LMBR1: variants seen among roughly 807,000 people sequenced by gnomAD.
The protein encoded by LMBR1 is limb region 1 protein homolog.
Under a neutral mutation model 73.9 loss-of-function variants are expected in LMBR1, and 52 were observed. That is an observed-to-expected ratio of 0.70 (90% CI 0.56 to 0.89). LMBR1 has a LOEUF of 0.89. LMBR1 is among the 40% of genes least tolerant of loss of function. The pLI, the probability that LMBR1 is intolerant of heterozygous loss-of-function variation, is 0.00. For missense variants in LMBR1, 539 were observed against 579.8 expected, an observed-to-expected ratio of 0.93 and a Z score of 0.72; for synonymous variants, 215 against 209.4, an observed-to-expected ratio of 1.03 and a Z score of -0.23.
chr7:156,873,213 T>G (rs1799593880), intron 1 of LMBR1, among the ~76,000 whole-genome samples: 1 of 152,014 alleles, frequency 6.6e-6, no homozygotes, highest in Non-Finnish European at 1.5e-5. Context: ...TTCTGGTGGG[T>G]TCGTGGTCTC....
chr7:156,892,850 GACC>G (rs1803402129), intron 1 of LMBR1, 75 bp downstream of exon 1: 2 of 632,416 alleles, frequency 3.2e-6, no homozygotes, highest in African/African-American at 8.4e-5. Context: ...GGGGTCCGGG[GACC>G]GGGGGCCCGG....
Position 156,788,209 on chromosome 7 carries a change from C to T in LMBR1, c.423+8180G>A, listed in dbSNP as rs188643636. ...CAGCATTTTGGGAAGTCAAGGTGGG[C>T]GGACTGCTTGAGGCCAGGAGTTGGA... On this transcript the variant is annotated intron_variant, in intron 5 of 16. Transcript: ENST00000353442. Among the ~76,000 whole-genome samples the T allele has an allele frequency of 4.3e-4, 66 of 152,138 alleles. No individual in the cohort carries two copies. The East Asian group carries it at 9.9e-3, about 23-fold the overall frequency.
At chr7:156,883,622 A>G (rs941214949) in intron 1 of LMBR1, among the ~76,000 whole-genome samples, 3 of 152,134 alleles carry the variant, frequency 2.0e-5, no homozygotes, top group Non-Finnish European at 2.9e-5. Context: ...AAATTTATTG[A>G]GTTTCACTGG....
chr7:156,777,345 T>C (rs1252633246), intron 5 of LMBR1, among the ~76,000 whole-genome samples: 2 of 152,206 alleles, frequency 1.3e-5, no homozygotes, highest in Non-Finnish European at 2.9e-5. Flanking sequence ...CACAGCTGAG[T>C]GGGGTCTGTG....
At chr7:156,833,105 T>C (rs1308689977) in intron 3 of LMBR1, among the ~76,000 whole-genome samples, 1 of 152,196 alleles carries the variant, frequency 6.6e-6, no homozygotes, top group African/African-American at 2.4e-5. Flanking sequence ...TTCTAAACAG[T>C]TGGAGTAAAA....
At chr7:156,870,593 A>G (rs1799128889) in intron 1 of LMBR1, among the ~76,000 whole-genome samples, 1 of 152,060 alleles carries the variant, frequency 6.6e-6, no homozygotes, top group Admixed American at 6.6e-5. Flanking sequence ...GTGAAACCCC[A>G]TCTCTACTAA....
At chr7:156,758,689 T>C (rs1469124460) in intron 8 of LMBR1, among the ~76,000 whole-genome samples, 2 of 152,190 alleles carry the variant, frequency 1.3e-5, no homozygotes, top group Non-Finnish European at 2.9e-5. Context: ...GACTGGAAAC[T>C]TCCTGAAGCA....
intron 4 of LMBR1, among the ~76,000 whole-genome samples, chr7:156,808,576 T>C (rs1008657269): frequency 6.6e-6 from 1 of 152,184 alleles, no homozygotes; most frequent in Non-Finnish European, 1.5e-5. Flanking sequence ...ACATTTAAAG[T>C]GATTATTGAT....
intron 5 of LMBR1, among the ~76,000 whole-genome samples, chr7:156,792,585 C>T (rs1829402220): frequency 6.6e-6 from 1 of 152,186 alleles, no homozygotes; most frequent in Non-Finnish European, 1.5e-5. Flanking sequence ...TAGAAACACA[C>T]ACCGCTGCCA....
intron 1 of LMBR1, among the ~76,000 whole-genome samples, chr7:156,845,188 A>C (rs1409489943): frequency 6.6e-6 from 1 of 152,176 alleles, no homozygotes; most frequent in East Asian, 1.9e-4. Flanking sequence ...ATATACATCT[A>C]ATATGTATCA....
chr7:156,734,122 T>C (rs1315704387), intron 10 of LMBR1, 55 bp downstream of exon 10: 1 of 1,113,688 alleles, frequency 9.0e-7, no homozygotes, highest in Non-Finnish European at 1.3e-6. Flanking sequence ...TACAGTAAAG[T>C]CTTTAATAAG....
intron 15 of LMBR1, among the ~76,000 whole-genome samples, chr7:156,694,283 C>A: frequency 6.6e-6 from 1 of 152,086 alleles, no homozygotes; most frequent in East Asian, 1.9e-4. Flanking sequence ...TAGGCGCATG[C>A]CACCATGCCA....
chr7:156,750,731 A>G (rs927515534), intron 9 of LMBR1, among the ~76,000 whole-genome samples: 3 of 152,206 alleles, frequency 2.0e-5, no homozygotes, highest in Non-Finnish European at 4.4e-5. Context: ...TAGCAACATT[A>G]TAGAATCAGG....
intron 4 of LMBR1, among the ~76,000 whole-genome samples, chr7:156,811,338 G>A (rs541218306): frequency 2.0e-5 from 3 of 151,988 alleles, no homozygotes; most frequent in South Asian, 2.1e-4. Flanking sequence ...CTGGCCAGGC[G>A]CGGTGGCTCA....
chr7:156,826,183 T>A (rs1225527802), intron 4 of LMBR1, among the ~76,000 whole-genome samples: 2 of 152,092 alleles, frequency 1.3e-5, no homozygotes, highest in Non-Finnish European at 2.9e-5. Flanking sequence ...TTTCTCCATG[T>A]TGGCCAGGCT....
At position 156,763,705 on chromosome 7, in the gene LMBR1, T is replaced by C; in HGVS notation, c.514A>G (p.Ile172Val). 2 of 1,596,918 alleles carry C rather than the reference T, an allele frequency of 1.3e-6. No individual in the cohort carries two copies. Among genetic ancestry groups the C allele is most frequent in the Non-Finnish European group, 1.7e-6 (2 of 1,175,660 alleles). ...LGIVWVASAL[I>V]DNDAASMESL... ...TCCATGCTTGCGGCATCGTTGTCAA[T>C]GAGTGCTGAAGCTACCCACACTATC... Residue 172 changes from isoleucine (I) to valine (V), a missense_variant, in exon 6 of 17, where the codon ATT becomes GTT. Physicochemically the swap from Ile to Val is conservative, Grantham distance 29 (BLOSUM62 3). This residue lies in a region of LMBR1 where 454 missense variants were observed against 473.4 expected (regional missense o/e 0.96). Coordinates refer to ENST00000353442, the MANE Select transcript of LMBR1 (RefSeq NM_022458.4).
intron 9 of LMBR1, among the ~76,000 whole-genome samples, chr7:156,742,931 G>T (rs560613974): frequency 2.0e-5 from 3 of 152,122 alleles, no homozygotes; most frequent in Admixed American, 6.5e-5. Flanking sequence ...GAGATGCAAG[G>T]GTGGTTCAAC....
At position 156,669,651 on chromosome 7, in the gene LMBR1, T is replaced by C. The variant is rs577809024; in HGVS notation, n.867-364A>G. Among the ~76,000 whole-genome samples the C allele has an allele frequency of 6.6e-6, 1 of 152,186 alleles. No individual in the cohort carries two copies. Among genetic ancestry groups the C allele is most frequent in the South Asian group, 2.1e-4 (1 of 4,830 alleles). On this transcript the variant is annotated intron_variant and non_coding_transcript_variant, in intron 4 of 4. Coordinates refer to the LMBR1 transcript ENST00000430825. This position sits in a 1 kb window ranked among gnomAD's most constrained non-coding sequence, Gnocchi z 4.2. Reference sequence around the variant, plus strand: ...CCACAGCCACGTGAACACTGGAAACTGCCCTCAGAGCCCCGGGGATGCGAG... The same window carrying C: ...CCACAGCCACGTGAACACTGGAAACCGCCCTCAGAGCCCCGGGGATGCGAG...
intron 9 of LMBR1, among the ~76,000 whole-genome samples, chr7:156,750,779 C>CTTA (rs1820730645): frequency 6.6e-6 from 1 of 152,116 alleles, no homozygotes; most frequent in Admixed American, 6.5e-5. Context: ...ATCGCTGCCC[C>CTTA]AATAAGGTGC....
Sources: gnomAD v4.1 joint callset for allele counts (sites outside exome capture counted in the v4.1 genomes callset) on GRCh38, gnomAD v4.1.1 for gene constraint, gnomAD v4.1.1 regional missense constraint, Gnocchi (gnomAD v3.1) non-coding constraint, MANE v1.5 for transcripts, NCBI Gene and HGNC (gene_info 2026-07-23, HGNC 2026-07-21) for gene names.